TYW1B: variants seen among roughly 807,000 people sequenced by gnomAD.
The protein encoded by TYW1B is tRNA-yW synthesizing protein 1 homolog B.
Under a neutral mutation model 86.9 loss-of-function variants are expected in TYW1B, and 73 were observed. That is an observed-to-expected ratio of 0.84 (90% CI 0.70 to 1.02). The LOEUF (loss-of-function observed/expected upper bound fraction) is 1.02, where lower values mean the gene tolerates loss of function less well. Among genes scored for constraint, TYW1B ranks in the 50% least tolerant of loss-of-function variants. The pLI is 0.00. For synonymous variants in TYW1B, 248 were observed against 292.8 expected (o/e 0.85, Z 1.56); for missense variants, 637 against 827.4 (o/e 0.77, Z 2.82).
intron 5 of TYW1B, among the ~76,000 whole-genome samples, chr7:72,806,533 G>A (rs1171410329): frequency 5.3e-5 from 8 of 151,792 alleles, no homozygotes; most frequent in Middle Eastern, 3.2e-3. Context: ...CACCGTGCCC[G>A]GCCTAAAGAA....
intron 13 of TYW1B, among the ~76,000 whole-genome samples, chr7:72,590,593 G>A (rs1481990122): frequency 2.0e-5 from 3 of 152,204 alleles, no homozygotes; most frequent in African/African-American, 7.2e-5. Context: ...GAAAGGTACA[G>A]TCTTCAAAGA....
intron 13 of TYW1B, among the ~76,000 whole-genome samples, chr7:72,613,808 A>T (rs1464270490): frequency 6.6e-6 from 1 of 152,122 alleles, no homozygotes; most frequent in African/African-American, 2.4e-5. Flanking sequence ...CTGATCTGAC[A>T]AAATTTGAAT....
intron 8 of TYW1B, among the ~76,000 whole-genome samples, chr7:72,742,225 G>A (rs552457788): frequency 7.2e-5 from 11 of 152,114 alleles, no homozygotes; most frequent in Non-Finnish European, 1.2e-4. Flanking sequence ...CACCTCCCAG[G>A]CTTATGATCA....
intron 10 of TYW1B, among the ~76,000 whole-genome samples, chr7:72,701,804 G>C (rs1157619953): frequency 3.9e-5 from 6 of 152,156 alleles, no homozygotes; most frequent in Non-Finnish European, 5.9e-5. Flanking sequence ...TTAATGGACA[G>C]AGATATCCTT....
intron 12 of TYW1B, among the ~76,000 whole-genome samples, chr7:72,627,461 A>G (rs1389954700): frequency 1.5e-5 from 1 of 65,188 alleles, no homozygotes; most frequent in Non-Finnish European, 3.4e-5. Flanking sequence ...AAACAGTAAC[A>G]TAACATAACA....
At chr7:72,706,576 G>C (rs781964654) in intron 10 of TYW1B, among the ~76,000 whole-genome samples, 17 of 151,926 alleles carry the variant, frequency 1.1e-4, no homozygotes, top group Non-Finnish European at 1.8e-4. Context: ...CTGGGACTAT[G>C]TGGCCTCTCA....
rs1281107025 is a variant in TYW1B, at chr7:72,694,778, C to T, written c.1415G>A (p.Ser472Asn). 1.9e-6 allele frequency: 3 copies of T among 1,612,676 alleles called. No homozygotes were observed. The highest frequency in any genetic ancestry group is 2.5e-6 in the Non-Finnish European group (3 of 1,179,734). ...GATTTTCTTCAGGCTGTCTTTGGTA[C>T]TGGCATCCACACTGACATACAGCTG... is the stretch of plus-strand genomic sequence containing the variant. Reference protein sequence around the residue: ...VTQLYVSVDASTKDSLKKIDR... With the variant: ...VTQLYVSVDANTKDSLKKIDR... The change falls in exon 11 of 14, where the codon AGT (serine) becomes AAT (asparagine). Residue 472 changes from serine (S) to asparagine (N), a missense_variant. Coordinates refer to ENST00000620995, the MANE Select transcript of TYW1B (RefSeq NM_001145440.3).
chr7:72,673,025 C>T (rs1385840185), intron 11 of TYW1B, among the ~76,000 whole-genome samples: 6 of 152,016 alleles, frequency 3.9e-5, no homozygotes, highest in African/African-American at 7.2e-5. Context: ...AAAAATTAGC[C>T]GGGTGTCGCG....
intron 13 of TYW1B, among the ~76,000 whole-genome samples, chr7:72,612,388 AGG>A (rs1811954367): frequency 1.3e-5 from 2 of 152,228 alleles, no homozygotes; most frequent in Admixed American, 1.3e-4. Context: ...CAAATGTGGA[AGG>A]AGTGGTACAC....
At chr7:72,773,935 C>T (rs1392916297) in intron 7 of TYW1B, among the ~76,000 whole-genome samples, 5 of 151,622 alleles carry the variant, frequency 3.3e-5, no homozygotes, top group Admixed American at 6.6e-5. Flanking sequence ...TGTGGTGGCG[C>T]ATGCGTGTAA....
intron 10 of TYW1B, among the ~76,000 whole-genome samples, chr7:72,705,897 T>C (rs1814597314): frequency 6.6e-6 from 1 of 152,208 alleles, no homozygotes; most frequent in Non-Finnish European, 1.5e-5. Context: ...CATTACAGCG[T>C]GGAGCTATGT....
intron 7 of TYW1B, among the ~76,000 whole-genome samples, chr7:72,759,091 G>A (rs1005918116): frequency 5.9e-5 from 9 of 152,166 alleles, no homozygotes; most frequent in Non-Finnish European, 8.8e-5. Context: ...AGCACCGTGC[G>A]AGGCCGAGGC....
At chr7:72,658,080 C>T (rs1224066659) in intron 11 of TYW1B, among the ~76,000 whole-genome samples, 2 of 151,916 alleles carry the variant, frequency 1.3e-5, no homozygotes, top group African/African-American at 2.4e-5. Flanking sequence ...ACAGTGAAAC[C>T]CCGTCTCTAC....
chr7:72,749,398 A>G (rs1330920482), intron 7 of TYW1B, among the ~76,000 whole-genome samples: 53 of 152,126 alleles, frequency 3.5e-4, no homozygotes, highest in Admixed American at 1.2e-3. Flanking sequence ...GGTTCACGCC[A>G]TTCTCCTGCC....
chr7:72,673,493 G>C (rs193072933), intron 11 of TYW1B, among the ~76,000 whole-genome samples: 226 of 151,846 alleles, frequency 1.5e-3, no homozygotes, highest in African/African-American at 5.3e-3. Context: ...ATATTAGCCA[G>C]GCACAGAAAG....
intron 1 of TYW1B, among the ~76,000 whole-genome samples, chr7:72,827,645 T>C (rs12698445): frequency 0.13 from 19,166 of 152,202 alleles, 2,235 homozygotes; most frequent in East Asian, 0.33. Flanking sequence ...AGTAAAAGTA[T>C]TCTTTTTACT....
intron 13 of TYW1B, among the ~76,000 whole-genome samples, chr7:72,585,176 A>C (rs1283703367): frequency 2.6e-5 from 4 of 152,160 alleles, no homozygotes; most frequent in African/African-American, 9.6e-5. Context: ...ACAAAGAAAA[A>C]ACTTGTATCA....
intron 4 of TYW1B, among the ~76,000 whole-genome samples, chr7:72,809,512 G>T (rs1282756028): frequency 1.3e-5 from 2 of 152,004 alleles, no homozygotes; most frequent in Non-Finnish European, 2.9e-5. Context: ...GATTAGCCAG[G>T]GGTAGTGGTG....
intron 11 of TYW1B, among the ~76,000 whole-genome samples, chr7:72,632,206 C>T (rs1297604467): frequency 2.8e-5 from 4 of 145,214 alleles, no homozygotes; most frequent in Non-Finnish European, 6.0e-5. Flanking sequence ...CTGCAGTGAG[C>T]CATGATCGTA....
Sources: gnomAD v4.1 joint callset for allele counts (sites outside exome capture counted in the v4.1 genomes callset) on GRCh38, gnomAD v4.1.1 for gene constraint, MANE v1.5 for transcripts, NCBI Gene and HGNC (gene_info 2026-07-23, HGNC 2026-07-21) for gene names.